ESRRG: variants seen among roughly 807,000 people sequenced by gnomAD.
ESRRG encodes estrogen-related receptor gamma.
In ESRRG, 13 loss-of-function variants were observed where a neutral mutation model predicts 44.0. The ratio of observed to expected loss-of-function variants is 0.30; its 90% CI spans 0.19 to 0.47. ESRRG has a LOEUF of 0.47. ESRRG is among the 20% of genes least tolerant of loss of function. The probability of loss-of-function intolerance (pLI) is 1.00; values close to 1 mark genes in which losing one functional copy is unlikely to be tolerated. For missense variants in ESRRG, 395 were observed against 580.6 expected (o/e 0.68, Z 3.29); for synonymous variants, 215 against 214.6 (o/e 1.00, Z -0.02).
intron 1 of ESRRG, among the ~76,000 whole-genome samples, chr1:216,983,643 T>C (rs2074364938): frequency 6.6e-6 from 1 of 151,810 alleles, no homozygotes; most frequent in Non-Finnish European, 1.5e-5. Flanking sequence ...TACTAGAATT[T>C]TAAATTTTAC....
intron 1 of ESRRG, among the ~76,000 whole-genome samples, chr1:217,088,826 A>T (rs918673393): frequency 6.6e-6 from 1 of 152,030 alleles, no homozygotes; most frequent in Admixed American, 6.6e-5. Context: ...CCCATCACCA[A>T]ACAAGGGGTG....
chr1:217,006,388 G>T (rs938181432), intron 1 of ESRRG, among the ~76,000 whole-genome samples: 3 of 151,924 alleles, frequency 2.0e-5, no homozygotes, highest in Non-Finnish European at 2.9e-5. Flanking sequence ...GTAATCTTAA[G>T]TTATGTCTAT....
At chr1:217,111,301 C>A (rs976911060) in intron 1 of ESRRG, among the ~76,000 whole-genome samples, 5 of 152,104 alleles carry the variant, frequency 3.3e-5, no homozygotes, top group Non-Finnish European at 5.9e-5. Flanking sequence ...GATGTGACTG[C>A]ACTATTTCAT....
At chr1:216,666,465 G>A (rs951438527) in intron 2 of ESRRG, among the ~76,000 whole-genome samples, 15 of 152,210 alleles carry the variant, frequency 9.9e-5, no homozygotes, top group African/African-American at 3.6e-4. Context: ...GTAGACTGAG[G>A]CTATTCTAGC....
upstream of ESRRG, among the ~76,000 whole-genome samples, chr1:217,090,713 A>C (rs368687553): frequency 1.7e-4 from 26 of 152,318 alleles, no homozygotes; most frequent in Middle Eastern, 3.4e-3. Context: ...ACATCATAAA[A>C]TTTGGGGGGC....
chr1:216,899,633 G>C (rs1263999770), intron 2 of ESRRG, among the ~76,000 whole-genome samples: 1 of 152,180 alleles, frequency 6.6e-6, no homozygotes, highest in East Asian at 1.9e-4. Context: ...GGCAGTTATA[G>C]GGGCTCTGCA....
intron 2 of ESRRG, among the ~76,000 whole-genome samples, chr1:216,735,979 C>CAAAAAAAAAAA (rs5780916): frequency 2.7e-4 from 31 of 115,528 alleles, no homozygotes; most frequent in East Asian, 8.3e-4. Flanking sequence ...CTCCCCATCT[C>CAAAAAAAAAAA]AAAAAAAAAT....
chr1:216,912,467 C>T (rs2060592906), intron 2 of ESRRG, among the ~76,000 whole-genome samples: 1 of 152,132 alleles, frequency 6.6e-6, no homozygotes, highest in Admixed American at 6.5e-5. Context: ...TGTGTAATGT[C>T]AAAGCCTATT....
At chr1:216,944,404 A>G (rs776208925) in intron 1 of ESRRG, among the ~76,000 whole-genome samples, 21 of 152,222 alleles carry the variant, frequency 1.4e-4, no homozygotes, top group Non-Finnish European at 2.8e-4. Context: ...AAATAAGAGA[A>G]GAAGACATAA....
intron 2 of ESRRG, among the ~76,000 whole-genome samples, chr1:216,771,037 G>T (rs1187381635): frequency 6.6e-6 from 1 of 152,036 alleles, no homozygotes; most frequent in African/African-American, 2.4e-5. Flanking sequence ...ACAGGTTCTT[G>T]CTATGTTGCC....
At chr1:216,512,098 A>G (rs572249616) in intron 6 of ESRRG, among the ~76,000 whole-genome samples, 1 of 152,368 alleles carries the variant, frequency 6.6e-6, no homozygotes, top group East Asian at 1.9e-4. Context: ...CAACAAAATT[A>G]CAAATCACTG....
chr1:216,919,789 G>A lies in ESRRG; in HGVS notation c.-14+19793C>T, dbSNP rs11572511. On this transcript the variant is annotated intron_variant, in intron 2 of 7. Transcript: ENST00000359162. ...CAGAACCATGCTTTTGCTTGGGTCCGTCCCACCTGTCAGTGTATGGTAGGA... is the reference window on the plus strand; with the variant it reads ...CAGAACCATGCTTTTGCTTGGGTCCATCCCACCTGTCAGTGTATGGTAGGA... 6.4e-3 allele frequency among the ~76,000 whole-genome samples: 967 copies of A among 152,224 alleles called. 12 individuals carry two copies. The highest frequency in any genetic ancestry group is 0.022 in the African/African-American group (920 of 41,532).
intron 5 of ESRRG, among the ~76,000 whole-genome samples, chr1:216,542,548 C>T (rs1384151284): frequency 6.6e-6 from 1 of 152,000 alleles, no homozygotes; most frequent in Non-Finnish European, 1.5e-5. Context: ...AAGGCTTATA[C>T]TTCAATAATA....
At chr1:216,785,636 T>C (rs896656495) in intron 2 of ESRRG, among the ~76,000 whole-genome samples, 3 of 152,056 alleles carry the variant, frequency 2.0e-5, no homozygotes, top group African/African-American at 7.2e-5. Flanking sequence ...CCAAAAATGG[T>C]TGTGAGAACT....
At chr1:216,550,369 C>T (rs930691602) in intron 5 of ESRRG, among the ~76,000 whole-genome samples, 4 of 152,060 alleles carry the variant, frequency 2.6e-5, no homozygotes, top group Non-Finnish European at 5.9e-5. Context: ...CCTTAAAATG[C>T]GGACGAGGCC....
Position 217,098,946 on chromosome 1 carries a change from T to C in ESRRG, c.-230+38721A>G, listed in dbSNP as rs546658218. On this transcript the variant is annotated intron_variant, in intron 1 of 8. Transcript: ENST00000366940. ...CTGATTTAAAACAGAAACATCACCTTGCCCGCAGCCCAGTCCTCACCTACT... is the reference window on the plus strand; with the variant it reads ...CTGATTTAAAACAGAAACATCACCTCGCCCGCAGCCCAGTCCTCACCTACT... 1.7e-4 allele frequency among the ~76,000 whole-genome samples: 26 copies of C among 152,316 alleles called. No individual in the cohort carries two copies. In the South Asian group the frequency reaches 4.8e-3, roughly 28 times the overall value.
At chr1:216,909,659 A>T (rs1403838911) in intron 2 of ESRRG, among the ~76,000 whole-genome samples, 1 of 152,088 alleles carries the variant, frequency 6.6e-6, no homozygotes, top group Non-Finnish European at 1.5e-5. Context: ...TGCTGGGAAT[A>T]CAGGTGTGAG....
At chr1:216,719,322 C>G (rs1321497052) in intron 1 of ESRRG, among the ~76,000 whole-genome samples, 1 of 151,868 alleles carries the variant, frequency 6.6e-6, no homozygotes, top group Non-Finnish European at 1.5e-5. Flanking sequence ...TGAGATGGTC[C>G]TTATCTTTTC....
intron 2 of ESRRG, among the ~76,000 whole-genome samples, chr1:216,660,598 C>T (rs1229857391): frequency 6.6e-6 from 1 of 152,196 alleles, no homozygotes; most frequent in Non-Finnish European, 1.5e-5. Flanking sequence ...TAAAAATGAA[C>T]ATTCCATCTT....
Sources: gnomAD v4.1 joint callset for allele counts (sites outside exome capture counted in the v4.1 genomes callset) on GRCh38, gnomAD v4.1.1 for gene constraint, MANE v1.5 for transcripts, NCBI Gene and HGNC (gene_info 2026-07-23, HGNC 2026-07-21) for gene names.